Variants in TAF5L observed in about 807,000 individuals in gnomAD.
The protein encoded by TAF5L is TAF5-like RNA polymerase II p300/CBP-associated factor-associated factor 65 kDa subunit 5L.
Under a neutral mutation model 51.3 loss-of-function variants are expected in TAF5L, and 7 were observed. The ratio of observed to expected loss-of-function variants is 0.14; its 90% CI spans 0.08 to 0.26. The LOEUF (loss-of-function observed/expected upper bound fraction) is 0.26. TAF5L is among the 10% of genes least tolerant of loss of function. The pLI is 1.00. For synonymous variants in TAF5L, 291 were observed against 308.1 expected, an observed-to-expected ratio of 0.94 and a Z score of 0.58; for missense variants, 575 against 758.9, an observed-to-expected ratio of 0.76 and a Z score of 2.85.
chr1:229,618,130 TGAA>T (rs1037894339), intron 1 of TAF5L, among the ~76,000 whole-genome samples: 1 of 151,908 alleles, frequency 6.6e-6, no homozygotes, highest in African/African-American at 2.4e-5. Flanking sequence ...AAGGGACAAG[TGAA>T]GAAAAAAAAC....
At chr1:229,613,203 T>C (rs1204598469) in intron 2 of TAF5L, among the ~76,000 whole-genome samples, 1 of 150,908 alleles carries the variant, frequency 6.6e-6, no homozygotes, top group Non-Finnish European at 1.5e-5. Context: ...TGGTTGTGCA[T>C]GACTGTGGTC....
At chr1:229,613,034 G>A (rs987300053) in intron 2 of TAF5L, among the ~76,000 whole-genome samples, 1 of 151,948 alleles carries the variant, frequency 6.6e-6, no homozygotes, top group African/African-American at 2.4e-5. Context: ...GTAAAAGAAA[G>A]TCCTGTTACA....
At position 229,605,610 on chromosome 1, in the gene TAF5L, G is replaced by T. The variant is rs529455454; in HGVS notation, c.248-2691C>A. On this transcript the variant is annotated intron_variant, in intron 3 of 4. Coordinates refer to ENST00000258281, the Ensembl canonical transcript of TAF5L. ...CATTATTTTAAATGTTTCTGTGAAG[G>T]TATTTTTTTTTTTAGATGAGATTAA... is the stretch of plus-strand genomic sequence containing the variant. 1.6e-4 allele frequency among the ~76,000 whole-genome samples: 17 copies of T among 106,900 alleles called. No homozygotes were observed. The Admixed American group carries it at 1.6e-3, about 10-fold the overall frequency. The allele number at this position is 106,900 out of a possible 152,430, so 70.1% of individuals were successfully genotyped here.
exon 3 of TAF5L, chr1:229,610,163 G>C: frequency 1.2e-6 from 2 of 1,614,150 alleles, no homozygotes; most frequent in Non-Finnish European, 1.7e-6. Flanking sequence ...GGTTCTGCCT[G>C]GCAAGGGGCT....
intron 2 of TAF5L, among the ~76,000 whole-genome samples, chr1:229,613,850 C>T (rs1227601241): frequency 6.6e-6 from 1 of 152,022 alleles, no homozygotes; most frequent in African/African-American, 2.4e-5. Flanking sequence ...AAAACAAAAA[C>T]AAATTAAAAA....
chr1:229,606,363 G>A (rs774507894), intron 3 of TAF5L: 9 of 948,072 alleles, frequency 9.5e-6, no homozygotes, highest in Non-Finnish European at 1.1e-5. Flanking sequence ...CATATCCTCT[G>A]AAAGTACACT....
chr1:229,617,485 C>T (rs1665049769), intron 1 of TAF5L, among the ~76,000 whole-genome samples: 1 of 152,192 alleles, frequency 6.6e-6, no homozygotes. Context: ...TTTCCGGCTT[C>T]CACACTGCCG....
chr1:229,595,068 C>T (rs139225247), exon 5 of TAF5L: 65 of 1,605,070 alleles, frequency 4.0e-5, no homozygotes, highest in East Asian at 2.9e-4. Context: ...TCTTCATCTC[C>T]GTGCCTGCAT....
intron 2 of TAF5L, among the ~76,000 whole-genome samples, chr1:229,610,703 CTTTAA>C (rs985479407): frequency 6.6e-6 from 1 of 151,910 alleles, no homozygotes; most frequent in Non-Finnish European, 1.5e-5. Context: ...TGAACCAATC[CTTTAA>C]TTTTTTTCTC....
At chr1:229,595,020 C>T (rs1400504092) in exon 5 of TAF5L, 1 of 1,614,190 alleles carries the variant, frequency 6.2e-7, no homozygotes, top group South Asian at 1.1e-5. Context: ...CCGCGAGGAA[C>T]CTCGTGCTGT....
chr1:229,601,536 T>A, intron 4 of TAF5L: 1 of 985,540 alleles, frequency 1.0e-6, no homozygotes. Context: ...TCAATGACTG[T>A]CCTAAACGGT....
At chr1:229,605,128 A>ATATTTTT (rs1340196774) in intron 3 of TAF5L, among the ~76,000 whole-genome samples, 1 of 145,098 alleles carries the variant, frequency 6.9e-6, no homozygotes, top group African/African-American at 2.6e-5. Context: ...ATATATATGT[A>ATATTTTT]TTTTTTTTTT....
In TAF5L at chr1:229,602,948, A is replaced by C; in HGVS notation, c.248-29T>G. 1 of 1,550,398 alleles carries C rather than the reference A, an allele frequency of 6.4e-7. No homozygotes were observed. The stretch of plus-strand genomic sequence containing the variant: ...TAATGAAAGAAAAAGAAGGCTTTAT[A>C]ATCAGCATAATCTTACAGAATAACG... On this transcript the variant is annotated intron_variant, in intron 3 of 4. Transcript: ENST00000258281. This position sits in a 1 kb window ranked among gnomAD's most constrained non-coding sequence, Gnocchi z 4.6.
chr1:229,602,285 A>T lies in TAF5L; in HGVS notation c.882T>A (p.Leu294=), dbSNP rs751571047. 6.2e-7 allele frequency: 1 copy of T among 1,614,182 alleles called. No homozygotes were observed. The highest frequency in any genetic ancestry group is 1.1e-5 in the South Asian group (1 of 91,074). The change falls in exon 4 of 5, where the codon CTT becomes CTA. Residue 294 remains leucine, a synonymous_variant. Coordinates refer to ENST00000258281, the Ensembl canonical transcript of TAF5L. The surrounding 1 kb of genome is among the most constrained non-coding windows in gnomAD (Gnocchi z 4.6). ...TTAACTTCTTGGATCGTAAACTCCAAAGTTTTATACAGGAGTTGTCAAACC... is the reference window on the plus strand; with the variant it reads ...TTAACTTCTTGGATCGTAAACTCCATAGTTTTATACAGGAGTTGTCAAACC...
intron 2 of TAF5L, among the ~76,000 whole-genome samples, chr1:229,613,285 G>A (rs898520042): frequency 1.4e-5 from 2 of 142,390 alleles, no homozygotes; most frequent in African/African-American, 5.3e-5. Flanking sequence ...AGCTGTGACT[G>A]CATCACTGCA....
In TAF5L at chr1:229,625,861, C is replaced by T. The variant is rs1194170381; in HGVS notation, c.-4+24G>A. The T allele has an allele frequency of 7.0e-6, 1 of 143,398 alleles. No individual in the cohort carries two copies. The highest frequency in any genetic ancestry group is 1.5e-5 in the Non-Finnish European group (1 of 64,742). The allele number at this position is 143,398 out of a possible 1,614,324, so 8.9% of individuals were successfully genotyped here. ...GCGCCTCGCGACCCTCCCGGCCCTC[C>T]CCGCCCGTGCTCCCGGCACTCACTG... On this transcript the variant is annotated intron_variant, in intron 1 of 4. Transcript: ENST00000258281. The surrounding 1 kb of genome is among the most constrained non-coding windows in gnomAD (Gnocchi z 4.0).
intron 4 of TAF5L, among the ~76,000 whole-genome samples, chr1:229,596,281 A>G (rs1248747288): frequency 6.6e-6 from 1 of 152,100 alleles, no homozygotes; most frequent in Non-Finnish European, 1.5e-5. Context: ...GCCCAAAAAA[A>G]CCCAAAACAA....
chr1:229,600,131 A>G (rs1298184778), intron 4 of TAF5L: 1 of 985,058 alleles, frequency 1.0e-6, no homozygotes, highest in Non-Finnish European at 1.2e-6. Context: ...AAAAGTCCAA[A>G]TTTTCACTGG....
At chr1:229,600,887 A>G (rs1258215899) in intron 4 of TAF5L, 1 of 985,006 alleles carries the variant, frequency 1.0e-6, no homozygotes, top group Non-Finnish European at 1.2e-6. Flanking sequence ...CAAACTCTGT[A>G]TCATCAAAGC....
Sources: allele counts gnomAD v4.1 joint callset (sites outside exome capture counted in the v4.1 genomes callset), GRCh38; gene constraint gnomAD v4.1.1; non-coding constraint Gnocchi (gnomAD v3.1); transcripts MANE v1.5; gene names NCBI Gene and HGNC (gene_info 2026-07-23, HGNC 2026-07-21).